The following CPNE5 variants were observed in gnomAD, a reference collection of about 807,000 sequenced individuals.
CPNE5 encodes copine 5.
CPNE5 carries 42 observed loss-of-function variants against 81.1 expected under a neutral mutation model. The observed-to-expected ratio is 0.52, with a 90% CI of 0.40 to 0.67. The LOEUF (loss-of-function observed/expected upper bound fraction) is 0.67, where lower values mean the gene tolerates loss of function less well. CPNE5 is among the 30% of genes least tolerant of loss of function. The probability of loss-of-function intolerance (pLI) is 0.00; values close to 1 mark genes in which losing one functional copy is unlikely to be tolerated. For synonymous variants in CPNE5, 313 were observed against 321.5 expected (o/e 0.97, Z 0.28); for missense variants, 612 against 815.5 (o/e 0.75, Z 3.04).
chr6:36,834,557 G>A (rs1773294028), intron 1 of CPNE5, among the ~76,000 whole-genome samples: 1 of 151,606 alleles, frequency 6.6e-6, no homozygotes, highest in Admixed American at 6.6e-5. Flanking sequence ...TCAAGAGGCT[G>A]AGGCAGGAGA....
intron 4 of CPNE5, among the ~76,000 whole-genome samples, chr6:36,798,970 C>T (rs1371584639): frequency 2.0e-5 from 3 of 152,128 alleles, no homozygotes; most frequent in Admixed American, 6.5e-5. Context: ...CCAGCTTGCC[C>T]ACAGGCCTGG....
intron 1 of CPNE5, among the ~76,000 whole-genome samples, chr6:36,828,308 CAAAAAAAAAA>C (rs11444450): frequency 2.5e-5 from 2 of 78,612 alleles, no homozygotes; most frequent in East Asian, 7.1e-4. Flanking sequence ...AACAACAAAC[CAAAAAAAAAA>C]AAAAAAAAAA....
chr6:36,804,718 G>T (rs1770429050), intron 3 of CPNE5, among the ~76,000 whole-genome samples: 1 of 143,500 alleles, frequency 7.0e-6, no homozygotes, highest in Admixed American at 6.9e-5. Flanking sequence ...AGATGACAAG[G>T]CTGCTTTTAA....
chr6:36,803,480 A>G (rs1464565511), intron 3 of CPNE5, among the ~76,000 whole-genome samples: 4 of 152,222 alleles, frequency 2.6e-5, no homozygotes, highest in Non-Finnish European at 5.9e-5. Context: ...TCATCTTTGT[A>G]GCCCAGGACC....
chr6:36,777,766 C>CACACA (rs1165860902), intron 9 of CPNE5, among the ~76,000 whole-genome samples: 1 of 109,552 alleles, frequency 9.1e-6, no homozygotes, highest in East Asian at 2.8e-4. Context: ...CCCCCCCCCA[C>CACACA]CACACACACA....
At chr6:36,821,903 G>A (rs1248645654) in intron 3 of CPNE5, among the ~76,000 whole-genome samples, 6 of 152,190 alleles carry the variant, frequency 3.9e-5, no homozygotes, top group African/African-American at 1.4e-4. Flanking sequence ...CTCAGACTGG[G>A]GCTGCCTGAG....
At chr6:36,788,106 C>T (rs1768743005) in intron 8 of CPNE5, among the ~76,000 whole-genome samples, 2 of 151,130 alleles carry the variant, frequency 1.3e-5, no homozygotes, top group South Asian at 2.1e-4. Flanking sequence ...TCATGGTTCA[C>T]TGCAGCTTTG....
intron 8 of CPNE5, among the ~76,000 whole-genome samples, chr6:36,791,721 G>A (rs986983468): frequency 1.3e-5 from 2 of 152,148 alleles, no homozygotes; most frequent in African/African-American, 4.8e-5. Flanking sequence ...AGGCAGTCTC[G>A]GCTCAAGGAC....
In CPNE5 at chr6:36,753,072, C is replaced by T; in HGVS notation, c.933G>A (p.Val311=). Reference sequence around the variant, plus strand: ...AGTCAAGGAAGGTGCACTCTGACTCCACAGCAAAGGAAAGCAGGGTGACCT... The same window carrying T: ...AGTCAAGGAAGGTGCACTCTGACTCTACAGCAAAGGAAAGCAGGGTGACCT... ...SGTVTLLSFA[V]ESECTFLDYI... The change falls in exon 14 of 21, where the codon GTG becomes GTA. Residue 311 remains valine, a synonymous_variant. Coordinates refer to ENST00000244751, the MANE Select transcript of CPNE5 (RefSeq NM_020939.2). 1 of 1,613,312 alleles carries T rather than the reference C, an allele frequency of 6.2e-7. No homozygotes were observed. Among genetic ancestry groups the T allele is most frequent in the East Asian group, 2.2e-5 (1 of 44,856 alleles).
chr6:36,745,337 G>A (rs2150357445), intron 17 of CPNE5, 51 bp downstream of exon 17: 1 of 1,576,360 alleles, frequency 6.3e-7, no homozygotes, highest in Middle Eastern at 2.0e-4. Flanking sequence ...CAGAGCTGGT[G>A]TGGAAACAGA....
intron 10 of CPNE5, 24 bp downstream of exon 10, chr6:36,774,937 A>AT (rs745823142): frequency 6.3e-7 from 1 of 1,584,482 alleles, no homozygotes. Flanking sequence ...GAAGGAAAAA[A>AT]GAAGGGACAT....
chr6:36,815,829 G>C lies in CPNE5; in HGVS notation c.183+6285C>G, dbSNP rs183460614. Reference sequence around the variant, plus strand: ...AGACTGAGTGCTTTGGCAGGGACATGTGGGTGTGGTGGCTGGGGCCAATGA... The same window carrying C: ...AGACTGAGTGCTTTGGCAGGGACATCTGGGTGTGGTGGCTGGGGCCAATGA... On this transcript the variant is annotated intron_variant, in intron 3 of 20. Coordinates refer to ENST00000244751, the MANE Select transcript of CPNE5 (RefSeq NM_020939.2). 2.0e-5 allele frequency among the ~76,000 whole-genome samples: 3 copies of C among 152,374 alleles called. No individual in the cohort carries two copies. The East Asian group carries it at 5.8e-4, about 29-fold the overall frequency.
intron 9 of CPNE5, among the ~76,000 whole-genome samples, chr6:36,777,068 T>C (rs775863634): frequency 4.6e-5 from 7 of 152,188 alleles, no homozygotes; most frequent in Non-Finnish European, 8.8e-5. Context: ...ACACTTGGAA[T>C]GAAACTTGCC....
intron 8 of CPNE5, among the ~76,000 whole-genome samples, chr6:36,791,037 G>A (rs1029238787): frequency 2.0e-5 from 3 of 152,124 alleles, no homozygotes; most frequent in African/African-American, 7.2e-5. Flanking sequence ...GTTTCTCCTG[G>A]TCATCCCTCC....
chr6:36,751,650 G>A (rs1325485129), intron 14 of CPNE5, among the ~76,000 whole-genome samples: 1 of 152,008 alleles, frequency 6.6e-6, no homozygotes, highest in East Asian at 1.9e-4. Context: ...ATTAGCTGGG[G>A]GTGGTGGCGC....
At chr6:36,773,723 G>A (rs766459251) in intron 10 of CPNE5, among the ~76,000 whole-genome samples, 13 of 152,158 alleles carry the variant, frequency 8.5e-5, no homozygotes, top group Non-Finnish European at 1.8e-4. Context: ...GTCAAGGATT[G>A]CCCAGGTTGA....
intron 10 of CPNE5, among the ~76,000 whole-genome samples, chr6:36,773,801 A>G (rs1345897423): frequency 6.6e-6 from 1 of 152,172 alleles, no homozygotes; most frequent in Non-Finnish European, 1.5e-5. Context: ...AACAATCTAC[A>G]CTCAAATGAT....
At chr6:36,783,135 G>GT (rs1768192732) in intron 8 of CPNE5, among the ~76,000 whole-genome samples, 1 of 152,132 alleles carries the variant, frequency 6.6e-6, no homozygotes, top group Non-Finnish European at 1.5e-5. Context: ...ATAATCAGCT[G>GT]TTGTTTGCCT....
chr6:36,834,356 A>C (rs1414186273), intron 1 of CPNE5, among the ~76,000 whole-genome samples: 1 of 150,716 alleles, frequency 6.6e-6, no homozygotes, highest in African/African-American at 2.4e-5. Context: ...ATTTATTTGA[A>C]TAGGTTAAAA....
Sources: gnomAD v4.1 joint callset for allele counts (sites outside exome capture counted in the v4.1 genomes callset) on GRCh38, gnomAD v4.1.1 for gene constraint, MANE v1.5 for transcripts, NCBI Gene and HGNC (gene_info 2026-07-23, HGNC 2026-07-21) for gene names.